The following MAP2 variants were observed in gnomAD, a reference collection of about 807,000 sequenced individuals.
MAP2 encodes the protein microtubule-associated protein 2.
Under a neutral mutation model 137.6 loss-of-function variants are expected in MAP2, and 14 were observed. The ratio of observed to expected loss-of-function variants is 0.10; its 90% CI spans 0.07 to 0.16. The LOEUF (loss-of-function observed/expected upper bound fraction) is 0.16, where lower values mean the gene tolerates loss of function less well. Ranked by LOEUF, MAP2 falls within the 10% of genes least tolerant of loss-of-function variation. MAP2 has a pLI of 1.00. For missense variants in MAP2, 2,088 were observed against 2,191.5 expected, an observed-to-expected ratio of 0.95 and a Z score of 0.94; for synonymous variants, 786 against 782.3, an observed-to-expected ratio of 1.00 and a Z score of -0.08.
intron 1 of MAP2, among the ~76,000 whole-genome samples, chr2:209,488,305 C>T (rs2058647636): frequency 1.3e-5 from 2 of 152,188 alleles, no homozygotes; most frequent in South Asian, 4.1e-4. Context: ...AGGAGGTTGC[C>T]TCGGGTGCCT....
chr2:209,714,248 G>A (rs1011742661), intron 13 of MAP2, among the ~76,000 whole-genome samples: 2 of 152,072 alleles, frequency 1.3e-5, no homozygotes, highest in Non-Finnish European at 2.9e-5. Context: ...AGTTATATGC[G>A]CTTGTAATAA....
intron 2 of MAP2, among the ~76,000 whole-genome samples, chr2:209,516,758 CAG>C (rs1284348998): frequency 1.3e-5 from 2 of 152,060 alleles, no homozygotes; most frequent in African/African-American, 4.8e-5. Context: ...TACACTATCA[CAG>C]GGGGATGATT....
intron 4 of MAP2, among the ~76,000 whole-genome samples, chr2:209,631,691 G>A (rs1158796140): frequency 1.3e-5 from 2 of 151,850 alleles, no homozygotes; most frequent in South Asian, 2.1e-4. Flanking sequence ...ACTTATTTTC[G>A]AGCCAATCAT....
chr2:209,510,061 A>G (rs555189126), intron 2 of MAP2, among the ~76,000 whole-genome samples: 1 of 151,752 alleles, frequency 6.6e-6, no homozygotes, highest in East Asian at 1.9e-4. Flanking sequence ...TGAAATCTAG[A>G]AACAAGGAAG....
intron 7 of MAP2, among the ~76,000 whole-genome samples, chr2:209,688,369 A>ATTAAATAGCATCT (rs934141651): frequency 5.3e-5 from 8 of 152,200 alleles, no homozygotes; most frequent in African/African-American, 1.4e-4. Context: ...TAATATTACT[A>ATTAAATAGCATCT]TTAAATAGCA....
chr2:209,680,939 GCTAT>G (rs2054296809), intron 7 of MAP2, 112 bp downstream of exon 7: 3 of 642,924 alleles, frequency 4.7e-6, no homozygotes, highest in Middle Eastern at 2.7e-4. Context: ...AAGCTTTGGA[GCTAT>G]CTGTTTCAAA....
At chr2:209,518,334 A>G (rs2062810213) in intron 2 of MAP2, among the ~76,000 whole-genome samples, 1 of 152,106 alleles carries the variant, frequency 6.6e-6, no homozygotes, top group Non-Finnish European at 1.5e-5. Flanking sequence ...GACCTAGAGA[A>G]GATATAATTG....
intron 5 of MAP2, among the ~76,000 whole-genome samples, chr2:209,663,065 G>C (rs1281028364): frequency 6.6e-6 from 1 of 152,054 alleles, no homozygotes; most frequent in African/African-American, 2.4e-5. Flanking sequence ...TTAGAATTGG[G>C]TTTGATTTTA....
intron 1 of MAP2, among the ~76,000 whole-genome samples, chr2:209,443,364 G>A (rs778273018): frequency 2.0e-5 from 3 of 151,488 alleles, no homozygotes; most frequent in Non-Finnish European, 3.0e-5. Context: ...AGAGTGCCTG[G>A]CATATACTAT....
intron 1 of MAP2, among the ~76,000 whole-genome samples, chr2:209,501,539 G>A (rs1404742081): frequency 1.3e-5 from 2 of 152,232 alleles, no homozygotes; most frequent in African/African-American, 2.4e-5. Context: ...TGAGGAGAAA[G>A]AGACAGAGGA....
At chr2:209,587,082 G>C (rs1437412982) in intron 3 of MAP2, among the ~76,000 whole-genome samples, 2 of 152,088 alleles carry the variant, frequency 1.3e-5, no homozygotes, top group African/African-American at 4.8e-5. Flanking sequence ...GGTGGCTTGT[G>C]TTTGGGGACG....
chr2:209,641,224 T>G (rs1383928388), intron 4 of MAP2, among the ~76,000 whole-genome samples: 1 of 152,070 alleles, frequency 6.6e-6, no homozygotes, highest in Non-Finnish European at 1.5e-5. Flanking sequence ...TTCTTCAGAG[T>G]TGTGTCCAAA....
intron 5 of MAP2, among the ~76,000 whole-genome samples, chr2:209,668,232 T>C (rs2047199033): frequency 6.6e-6 from 1 of 152,038 alleles, no homozygotes; most frequent in African/African-American, 2.4e-5. Flanking sequence ...ATTCATGCTT[T>C]GAAGGTATTT....
intron 3 of MAP2, among the ~76,000 whole-genome samples, chr2:209,613,123 G>T (rs747973375): frequency 6.3e-4 from 96 of 152,148 alleles, no homozygotes; most frequent in Non-Finnish European, 1.1e-3. Flanking sequence ...TTCAGAGCTT[G>T]AAGTAGACTT....
chr2:209,722,738 T>C (rs866057608), intron 13 of MAP2, among the ~76,000 whole-genome samples: 2 of 152,188 alleles, frequency 1.3e-5, no homozygotes, highest in South Asian at 2.1e-4. Context: ...TCCTTCCAGA[T>C]CTGGATCTGC....
intron 3 of MAP2, among the ~76,000 whole-genome samples, chr2:209,611,893 T>G (rs182458023): frequency 6.3e-4 from 95 of 151,846 alleles, no homozygotes; most frequent in African/African-American, 2.2e-3. Context: ...AAGCAGGGAG[T>G]ATAAAGAAAA....
In MAP2 at chr2:209,695,795, G is replaced by C. The variant is rs2060029117; in HGVS notation, c.3625G>C (p.Asp1209His). ...AAAAGAAGAAAGCAAAGAGACCCCA[G>C]ATATATCCATCACGCCTTCTGATGT... The part of the protein sequence containing the change: ...GPKEESKETP[D>H]ISITPSDVAE... The change falls in exon 8 of 16, where the codon GAT (aspartate) becomes CAT (histidine). Residue 1209 changes from aspartate (D) to histidine (H), a missense_variant. Coordinates refer to ENST00000682079, the MANE Select transcript of MAP2 (RefSeq NM_001375505.1). 4 of 1,613,898 alleles carry C rather than the reference G, an allele frequency of 2.5e-6. No individual in the cohort carries two copies. Among genetic ancestry groups the C allele is most frequent in the Non-Finnish European group, 3.4e-6 (4 of 1,180,018 alleles).
chr2:209,560,493 T>C (rs375226141), intron 2 of MAP2, among the ~76,000 whole-genome samples: 13 of 151,994 alleles, frequency 8.6e-5, no homozygotes, highest in African/African-American at 3.1e-4. Context: ...TTTTTTTTTT[T>C]TTTTGAGATA....
intron 7 of MAP2, chr2:209,690,763 C>T (rs2058616883): frequency 7.8e-7 from 1 of 1,289,750 alleles, no homozygotes; most frequent in South Asian, 1.2e-5. Flanking sequence ...AAGAGAGTGC[C>T]CCAGCAGGGG....
Sources: gnomAD v4.1 joint callset for allele counts (sites outside exome capture counted in the v4.1 genomes callset) on GRCh38, gnomAD v4.1.1 for gene constraint, MANE v1.5 for transcripts, NCBI Gene and HGNC (gene_info 2026-07-23, HGNC 2026-07-21) for gene names.